KIF26B: variants seen among roughly 807,000 people sequenced by gnomAD.
KIF26B encodes the protein kinesin-like protein KIF26B.
KIF26B carries 63 observed loss-of-function variants against 151.2 expected under a neutral mutation model. That is an observed-to-expected ratio of 0.42 (90% CI 0.34 to 0.51). The LOEUF (loss-of-function observed/expected upper bound fraction) is 0.51, where lower values mean the gene tolerates loss of function less well. KIF26B is among the 20% of genes least tolerant of loss of function. The probability of loss-of-function intolerance (pLI) is 0.07; values close to 1 mark genes in which losing one functional copy is unlikely to be tolerated. For missense variants in KIF26B, 2,813 were observed against 2,913.6 expected, an observed-to-expected ratio of 0.97 and a Z score of 0.79; for synonymous variants, 1,357 against 1,262.1, an observed-to-expected ratio of 1.08 and a Z score of -1.59.
chr1:245,254,153 TC>T (rs1165169257), intron 2 of KIF26B, among the ~76,000 whole-genome samples: 2 of 152,162 alleles, frequency 1.3e-5, no homozygotes, highest in Admixed American at 6.5e-5. Context: ...ATTTTCTAGA[TC>T]ATTCAATATT....
chr1:245,383,208 C>CTT (rs1235150369), intron 3 of KIF26B, among the ~76,000 whole-genome samples: 1 of 152,006 alleles, frequency 6.6e-6, no homozygotes, highest in African/African-American at 2.4e-5. Flanking sequence ...TAACATGCCC[C>CTT]TGAAAAACAG....
At chr1:245,168,467 T>C (rs1163861138) in intron 2 of KIF26B, among the ~76,000 whole-genome samples, 4 of 152,198 alleles carry the variant, frequency 2.6e-5, no homozygotes, top group Non-Finnish European at 4.4e-5. Flanking sequence ...AAAAGGACAA[T>C]TGATTCTAGA....
rs756799396 is a variant in KIF26B at position 245,431,447 on chromosome 1, C to T, written c.1166+11702C>T. On this transcript the variant is annotated intron_variant, in intron 4 of 14. Coordinates refer to ENST00000407071, the MANE Select transcript of KIF26B (RefSeq NM_018012.4). ...GCAACCTCTGCCTCCCGGCTTCAGG[C>T]GATTCTCCTGCCTCAGCCTCCCAAG... Among the ~76,000 whole-genome samples the T allele has an allele frequency of 9.2e-5, 14 of 151,790 alleles. No homozygotes were observed. The South Asian group carries it at 1.0e-3, about 11-fold the overall frequency.
chr1:245,671,990 G>T (rs1385964582), intron 10 of KIF26B, among the ~76,000 whole-genome samples: 2 of 152,162 alleles, frequency 1.3e-5, no homozygotes, highest in Non-Finnish European at 2.9e-5. Context: ...CCAGCTCCAG[G>T]TCCAAAGCCG....
At chr1:245,696,044 A>T (rs2044688750) in intron 12 of KIF26B, among the ~76,000 whole-genome samples, 1 of 152,218 alleles carries the variant, frequency 6.6e-6, no homozygotes, top group Admixed American at 6.5e-5. Context: ...ATCTGATCAT[A>T]TCCCATCCGC....
At chr1:245,428,341 A>G (rs969657699) in intron 4 of KIF26B, among the ~76,000 whole-genome samples, 1 of 152,172 alleles carries the variant, frequency 6.6e-6, no homozygotes, top group African/African-American at 2.4e-5. Flanking sequence ...ATTAAGAAGC[A>G]ACCAAGGGTA....
intron 10 of KIF26B, among the ~76,000 whole-genome samples, chr1:245,664,359 CA>C (rs10661396): frequency 4.8e-4 from 67 of 140,782 alleles, no homozygotes; most frequent in Admixed American, 4.2e-4. Flanking sequence ...AACTCCATCT[CA>C]AAAAAAAAAA....
chr1:245,276,948 C>G (rs576792343), intron 2 of KIF26B, among the ~76,000 whole-genome samples: 80 of 152,114 alleles, frequency 5.3e-4, no homozygotes, highest in South Asian at 1.0e-3. Context: ...TAGGGTGGAA[C>G]CTGATTTCAA....
chr1:245,392,549 C>G (rs1673725350), intron 3 of KIF26B, among the ~76,000 whole-genome samples: 1 of 152,128 alleles, frequency 6.6e-6, no homozygotes. Flanking sequence ...GAAGGCATTT[C>G]TCTATGGTCT....
At chr1:245,535,550 G>A (rs946123948) in intron 4 of KIF26B, among the ~76,000 whole-genome samples, 10 of 151,990 alleles carry the variant, frequency 6.6e-5, no homozygotes, top group South Asian at 2.1e-4. Context: ...CCTCTCCCTC[G>A]TATTCCTGGT....
intron 3 of KIF26B, among the ~76,000 whole-genome samples, chr1:245,374,959 A>G (rs1478597766): frequency 6.6e-6 from 1 of 152,162 alleles, no homozygotes; most frequent in East Asian, 1.9e-4. Context: ...GGTAGACTGA[A>G]TAGGGGCCCC....
At chr1:245,245,878 A>G (rs1296668880) in intron 2 of KIF26B, among the ~76,000 whole-genome samples, 1 of 148,528 alleles carries the variant, frequency 6.7e-6, no homozygotes, top group African/African-American at 2.5e-5. Context: ...GTGAGCCGAG[A>G]TCACACTACT....
At chr1:245,377,441 T>C (rs1475582163) in intron 3 of KIF26B, among the ~76,000 whole-genome samples, 3 of 152,208 alleles carry the variant, frequency 2.0e-5, no homozygotes, top group Admixed American at 6.5e-5. Flanking sequence ...CCATTGGGTT[T>C]AGAGTCTACC....
At chr1:245,394,265 G>A (rs1236632865) in intron 3 of KIF26B, among the ~76,000 whole-genome samples, 2 of 152,170 alleles carry the variant, frequency 1.3e-5, no homozygotes, top group African/African-American at 4.8e-5. Context: ...AGGGTTTCAG[G>A]AGAGAGCAGT....
intron 9 of KIF26B, among the ~76,000 whole-genome samples, chr1:245,634,532 C>G (rs987607284): frequency 6.6e-6 from 1 of 152,114 alleles, no homozygotes; most frequent in Non-Finnish European, 1.5e-5. Flanking sequence ...GATTTTTTAT[C>G]AGGAATGACT....
intron 4 of KIF26B, among the ~76,000 whole-genome samples, chr1:245,428,989 T>TGGGGGGGGGGGGGGGGGGGG (rs1558162150): frequency 2.1e-4 from 17 of 81,578 alleles, no homozygotes; most frequent in Admixed American, 3.9e-4. Flanking sequence ...GGGGCGGGGG[T>TGGGGGGGGGGGGGGGGGGGG]GGGGGGCAGT....
At chr1:245,682,293 A>G (rs2044450470) in intron 10 of KIF26B, among the ~76,000 whole-genome samples, 1 of 152,220 alleles carries the variant, frequency 6.6e-6, no homozygotes, top group South Asian at 2.1e-4. Flanking sequence ...AGAAACCGTA[A>G]TTACTTTTGC....
At chr1:245,355,365 C>G (rs962675477) in intron 2 of KIF26B, among the ~76,000 whole-genome samples, 4 of 152,086 alleles carry the variant, frequency 2.6e-5, no homozygotes, top group African/African-American at 4.8e-5. Flanking sequence ...CCAGATATTT[C>G]CTAATGTCCC....
rs1475848033 is a variant in KIF26B at position 245,706,123 on chromosome 1, A to T, written c.*3517A>T. 2 of 152,198 alleles carry T rather than the reference A, an allele frequency of 1.3e-5. No homozygotes were observed. Among genetic ancestry groups the T allele is most frequent in the African/African-American group, 4.8e-5 (2 of 41,438 alleles). The allele number at this position is 152,198 out of a possible 1,614,324, so 9.4% of individuals were successfully genotyped here. On this transcript the variant is annotated 3_prime_UTR_variant, in exon 15 of 15. Coordinates refer to ENST00000407071, the MANE Select transcript of KIF26B (RefSeq NM_018012.4). ...AGGAATCTGGCCTGGTTTGTCATAA[A>T]TTAGCCTTCAACTTGAAGTCTATTA...
Sources: gnomAD v4.1 joint callset for allele counts (sites outside exome capture counted in the v4.1 genomes callset) on GRCh38, gnomAD v4.1.1 for gene constraint, MANE v1.5 for transcripts, NCBI Gene and HGNC (gene_info 2026-07-23, HGNC 2026-07-21) for gene names.